RAPGEF1: variants seen among roughly 807,000 people sequenced by gnomAD.
The protein encoded by RAPGEF1 is Rap guanine nucleotide exchange factor 1, also known as CRK SH3-binding GNRP.
RAPGEF1 carries 33 observed loss-of-function variants against 143.3 expected under a neutral mutation model. That is an observed-to-expected ratio of 0.23 (90% confidence interval 0.17 to 0.31). The LOEUF (loss-of-function observed/expected upper bound fraction) is 0.31, where lower values mean the gene tolerates loss of function less well. Among genes scored for constraint, RAPGEF1 ranks in the 10% least tolerant of loss-of-function variants. The pLI, the probability that RAPGEF1 is intolerant of heterozygous loss-of-function variation, is 1.00. For missense variants in RAPGEF1, 1,199 were observed against 1,645.4 expected (o/e 0.73, Z 4.69); for synonymous variants, 629 against 676.5 (o/e 0.93, Z 1.09).
intron 1 of RAPGEF1, chr9:131,710,101 T>G: frequency 3.1e-6 from 1 of 326,680 alleles, no homozygotes; most frequent in Non-Finnish European, 4.4e-6. Context: ...ATGCTGAAAG[T>G]CATAAATGAA....
At position 131,614,303 on chromosome 9, in the gene RAPGEF1, G is replaced by A. The variant is rs767380243; in HGVS notation, c.2061+4748C>T. Among the ~76,000 whole-genome samples, 7 of 152,246 alleles carry A rather than the reference G, an allele frequency of 4.6e-5. No individual in the cohort carries two copies. The Middle Eastern group carries it at 9.5e-3, about 206-fold the overall frequency. ...GCATCAGGGAGGAACAAAGGACAAA[G>A]GTCAGGATGGCAGGAACTTATTTTT... On this transcript the variant is annotated intron_variant, in intron 12 of 26. Coordinates refer to ENST00000683357, the MANE Select transcript of RAPGEF1 (RefSeq NM_001377935.1).
intron 1 of RAPGEF1, among the ~76,000 whole-genome samples, chr9:131,689,283 C>CT (rs1833603701): frequency 6.6e-6 from 1 of 152,260 alleles, no homozygotes; most frequent in South Asian, 2.1e-4. Flanking sequence ...TTCTGAGAAT[C>CT]TGTCTTTGGG....
At chr9:131,678,802 TG>T (rs1403514369) in intron 1 of RAPGEF1, among the ~76,000 whole-genome samples, 2 of 152,072 alleles carry the variant, frequency 1.3e-5, no homozygotes, top group African/African-American at 4.8e-5. Context: ...GCCTCCATGA[TG>T]GGGGGTGCCG....
intron 17 of RAPGEF1, among the ~76,000 whole-genome samples, chr9:131,594,348 C>G (rs1954873372): frequency 6.6e-6 from 1 of 152,238 alleles, no homozygotes; most frequent in African/African-American, 2.4e-5. Flanking sequence ...AAGTGACAGG[C>G]TTGGCACACA....
intron 3 of RAPGEF1, among the ~76,000 whole-genome samples, chr9:131,644,094 G>A (rs771045441): frequency 6.6e-6 from 1 of 152,204 alleles, no homozygotes; most frequent in African/African-American, 2.4e-5. Flanking sequence ...TGCAGTGGGC[G>A]CTAGCAGCAT....
intron 13 of RAPGEF1, among the ~76,000 whole-genome samples, chr9:131,604,634 C>T (rs190772541): frequency 4.6e-5 from 7 of 152,188 alleles, no homozygotes; most frequent in African/African-American, 1.4e-4. Context: ...CTGATAAGTT[C>T]CTCTCTAAAT....
At chr9:131,733,559 T>G (rs1481455672) in intron 1 of RAPGEF1, among the ~76,000 whole-genome samples, 2 of 152,214 alleles carry the variant, frequency 1.3e-5, no homozygotes, top group Non-Finnish European at 2.9e-5. Flanking sequence ...ATGACTGGCC[T>G]GCTGGATGAC....
intron 12 of RAPGEF1, among the ~76,000 whole-genome samples, chr9:131,615,274 CCGT>C (rs1331834870): frequency 6.6e-6 from 1 of 152,230 alleles, no homozygotes; most frequent in Non-Finnish European, 1.5e-5. Flanking sequence ...CGGGGTTTCA[CCGT>C]CTTAGCCGGG....
chr9:131,721,877 T>C (rs181352004), intron 1 of RAPGEF1, among the ~76,000 whole-genome samples: 29 of 152,330 alleles, frequency 1.9e-4, no homozygotes, highest in Admixed American at 1.4e-3. Context: ...GCATAGGTTA[T>C]CTGCAAGTAC....
In RAPGEF1 at chr9:131,668,199, G is replaced by A. The variant is rs191874178; in HGVS notation, c.62-17250C>T. ...AGACGTGAAGAGAATTCCCAGACTC[G>A]CTCCTCTTATAAACCACAGATGCTG... On this transcript the variant is annotated intron_variant, in intron 1 of 26. Coordinates refer to ENST00000683357, the MANE Select transcript of RAPGEF1 (RefSeq NM_001377935.1). 2.0e-3 allele frequency among the ~76,000 whole-genome samples: 310 copies of A among 152,210 alleles called. 2 individuals are homozygous for A. The highest frequency in any genetic ancestry group is 6.8e-3 in the Middle Eastern group (2 of 294).
At chr9:131,683,806 C>T (rs1446665553) in intron 1 of RAPGEF1, among the ~76,000 whole-genome samples, 1 of 152,232 alleles carries the variant, frequency 6.6e-6, no homozygotes, top group Non-Finnish European at 1.5e-5. Flanking sequence ...TCTGATTCTT[C>T]ATACATGGTT....
intron 12 of RAPGEF1, among the ~76,000 whole-genome samples, chr9:131,609,286 T>C (rs1383677428): frequency 6.6e-6 from 1 of 152,194 alleles, no homozygotes; most frequent in Non-Finnish European, 1.5e-5. Flanking sequence ...TGCCTTACTG[T>C]TCTTATTACT....
intron 1 of RAPGEF1, among the ~76,000 whole-genome samples, chr9:131,702,037 T>C (rs1834691412): frequency 6.6e-6 from 1 of 152,236 alleles, no homozygotes; most frequent in South Asian, 2.1e-4. Flanking sequence ...CTACACTAGT[T>C]GATTCAAACT....
At chr9:131,615,104 G>A (rs1415261576) in intron 12 of RAPGEF1, among the ~76,000 whole-genome samples, 2 of 152,180 alleles carry the variant, frequency 1.3e-5, no homozygotes, top group African/African-American at 2.4e-5. Flanking sequence ...ACGGAGTCTT[G>A]CTCTGTTGCC....
At chr9:131,660,224 A>G (rs1027584946) in intron 1 of RAPGEF1, among the ~76,000 whole-genome samples, 2 of 152,232 alleles carry the variant, frequency 1.3e-5, no homozygotes, top group South Asian at 4.1e-4. Flanking sequence ...GAAGTTTTGC[A>G]ATTCCAAAGA....
intron 1 of RAPGEF1, among the ~76,000 whole-genome samples, chr9:131,706,068 C>T (rs1015260061): frequency 2.6e-5 from 4 of 152,162 alleles, no homozygotes; most frequent in African/African-American, 4.8e-5. Flanking sequence ...AAATCAGGGG[C>T]CGCCTGGTCT....
Position 131,604,001 on chromosome 9 carries a change from G to T in RAPGEF1, c.2372C>A (p.Ser791Tyr). Residue 791 changes from serine to tyrosine, a missense_variant, in exon 14 of 27, where the codon TCC becomes TAC. Ser to Tyr is a moderately radical substitution (Grantham distance 144). Transcript: ENST00000683357. Reference sequence around the variant, plus strand: ...CAGCTCCTCGCTGCTCTGGCCAGAGGAATACAGATTGACATATTCACCCTC... The same window carrying T: ...CAGCTCCTCGCTGCTCTGGCCAGAGTAATACAGATTGACATATTCACCCTC... ...AGEGEYVNLY[S>Y]SGQSSEELAP... The T allele has an allele frequency of 7.5e-7, 1 of 1,340,766 alleles. No individual in the cohort carries two copies. The highest frequency in any genetic ancestry group is 1.5e-5 in the African/African-American group (1 of 67,428). 83.1% of individuals were successfully genotyped at this position (1,340,766 alleles called of 1,614,324 possible).
chr9:131,597,841 C>T (rs1228171763), intron 16 of RAPGEF1, among the ~76,000 whole-genome samples: 1 of 152,064 alleles, frequency 6.6e-6, no homozygotes, highest in Non-Finnish European at 1.5e-5. Context: ...GCTATTTTTT[C>T]AACCACAGAA....
At chr9:131,731,581 G>A (rs780866485) in intron 1 of RAPGEF1, among the ~76,000 whole-genome samples, 11 of 152,108 alleles carry the variant, frequency 7.2e-5, no homozygotes, top group African/African-American at 2.2e-4. Flanking sequence ...CTCCTGCTCC[G>A]TTTTTAACAA....
Sources: gnomAD v4.1 joint callset for allele counts (sites outside exome capture counted in the v4.1 genomes callset) on GRCh38, gnomAD v4.1.1 for gene constraint, MANE v1.5 for transcripts, NCBI Gene and HGNC (gene_info 2026-07-23, HGNC 2026-07-21) for gene names.